CNTLN: variants seen among roughly 807,000 people sequenced by gnomAD.
The protein encoded by CNTLN is centlein, also known as centlein, centrosomal protein.
Under a neutral mutation model 180.0 loss-of-function variants are expected in CNTLN, and 212 were observed. The observed-to-expected ratio is 1.18, with a 90% CI of 1.05 to 1.32. The LOEUF is 1.32. Among genes scored for constraint, CNTLN ranks in the 40% most tolerant of loss-of-function variants. The pLI, the probability that CNTLN is intolerant of heterozygous loss-of-function variation, is 0.00. For missense variants in CNTLN, 2,095 were observed against 1,610.9 expected (o/e 1.30, Z -5.14); for synonymous variants, 722 against 563.1 (o/e 1.28, Z -3.99).
At position 17,265,664 on chromosome 9, in the gene CNTLN, G is replaced by A. The variant is rs553589235; in HGVS notation, c.850-8069G>A. ...TAGAATTCGGCTGTGAATCCATCTG[G>A]TCCTGGACTCTTTTTGGTTGGTAAG... On this transcript the variant is annotated intron_variant, in intron 5 of 25. Transcript: ENST00000380647. 2.0e-5 allele frequency among the ~76,000 whole-genome samples: 3 copies of A among 152,166 alleles called. No individual in the cohort carries two copies. The South Asian group carries it at 6.2e-4, about 32-fold the overall frequency.
At chr9:17,404,239 G>A (rs1013020573) in intron 15 of CNTLN, among the ~76,000 whole-genome samples, 2 of 151,666 alleles carry the variant, frequency 1.3e-5, no homozygotes, top group African/African-American at 2.4e-5. Flanking sequence ...TTGAAGTTAG[G>A]GTATATGCCC....
At chr9:17,404,739 T>A (rs1827244643) in intron 15 of CNTLN, among the ~76,000 whole-genome samples, 2 of 6,172 alleles carry the variant, frequency 3.2e-4, no homozygotes, top group South Asian at 6.3e-3. Context: ...CTGAAACAAA[T>A]TTTTTTTTTT....
At chr9:17,206,187 G>A (rs1032994758) in intron 2 of CNTLN, among the ~76,000 whole-genome samples, 2 of 152,104 alleles carry the variant, frequency 1.3e-5, no homozygotes, top group South Asian at 2.1e-4. Flanking sequence ...TACCAATGGG[G>A]GTGGGGTAAT....
intron 18 of CNTLN, among the ~76,000 whole-genome samples, chr9:17,456,866 A>G (rs1410769356): frequency 6.6e-6 from 1 of 152,174 alleles, no homozygotes; most frequent in Non-Finnish European, 1.5e-5. Context: ...CTTCATAAAA[A>G]CATTACTATT....
chr9:17,502,622 A>G lies in CNTLN; in HGVS notation c.4191A>G (p.Gly1397=). 7 of 1,358,236 alleles carry G rather than the reference A, an allele frequency of 5.2e-6. No homozygotes were observed. Among genetic ancestry groups the G allele is most frequent in the Non-Finnish European group, 7.1e-6 (7 of 985,762 alleles). The allele number at this position is 1,358,236 out of a possible 1,614,324, so 84.1% of individuals were successfully genotyped here. A position where few individuals can be genotyped will look rare whatever the true frequency, so the allele number is the denominator to read the frequency against. Residue 1397 remains glycine, a synonymous_variant, in exon 26 of 26, where the codon GGA becomes GGG. Coordinates refer to ENST00000380647, the MANE Select transcript of CNTLN (RefSeq NM_017738.4). ...ATGAAAAAAAGAAACTAGTTGAAGGATATTTCACAATTATGAAAGATATTA... is the reference window on the plus strand; with the variant it reads ...ATGAAAAAAAGAAACTAGTTGAAGGGTATTTCACAATTATGAAAGATATTA... ...KINEKKKLVE[G]YFTIMKDIR is the part of the protein sequence containing the mutation.
chr9:17,405,333 A>G (rs58474114), intron 15 of CNTLN, among the ~76,000 whole-genome samples: 44,741 of 151,492 alleles, frequency 0.3, 7,001 homozygotes, highest in South Asian at 0.42. Context: ...ACACAAAAAA[A>G]TACCACAGAC....
intron 2 of CNTLN, among the ~76,000 whole-genome samples, chr9:17,180,701 T>C (rs1479978213): frequency 6.6e-6 from 1 of 152,128 alleles, no homozygotes; most frequent in Non-Finnish European, 1.5e-5. Flanking sequence ...AAAACTTACT[T>C]TAGCTATACT....
chr9:17,513,437 T>C, the CNTLN span, among the ~76,000 whole-genome samples: 1 of 152,202 alleles, frequency 6.6e-6, no homozygotes, highest in Non-Finnish European at 1.5e-5. Context: ...GGCTCACGCA[T>C]GTAATCCCAG....
Position 17,503,486 on chromosome 9 carries a change from G to T in CNTLN, c.*834G>T, listed in dbSNP as rs910222609. On this transcript the variant is annotated 3_prime_UTR_variant, in exon 26 of 26. Coordinates refer to ENST00000380647, the MANE Select transcript of CNTLN (RefSeq NM_017738.4). ...GGTTCCTCTAATTCACCATACTGGTGCCTGCCTCCCACATTTGCCCTTGGT... is the reference window on the plus strand; with the variant it reads ...GGTTCCTCTAATTCACCATACTGGTTCCTGCCTCCCACATTTGCCCTTGGT... The T allele has an allele frequency of 2.6e-5, 4 of 152,066 alleles. No homozygotes were observed. The highest frequency in any genetic ancestry group is 9.7e-5 in the African/African-American group (4 of 41,380). The allele number at this position is 152,066 out of a possible 1,614,324, so 9.4% of individuals were successfully genotyped here.
rs1588084929 is a variant in CNTLN at position 17,479,922 on chromosome 9, A to G, written c.3856-4373A>G. ...CCAAAAGCTTTAAAAGATTTAAAAAATATGGTATCCTGGGACTAGCTTGTA... is the reference window on the plus strand; with the variant it reads ...CCAAAAGCTTTAAAAGATTTAAAAAGTATGGTATCCTGGGACTAGCTTGTA... On this transcript the variant is annotated intron_variant, in intron 23 of 25. Coordinates refer to ENST00000380647, the MANE Select transcript of CNTLN (RefSeq NM_017738.4). Among the ~76,000 whole-genome samples, 3 of 152,308 alleles carry G rather than the reference A, an allele frequency of 2.0e-5. No individual in the cohort carries two copies. In the East Asian group the frequency reaches 5.8e-4, roughly 29 times the overall value.
chr9:17,257,797 G>C (rs370157615), intron 5 of CNTLN, among the ~76,000 whole-genome samples: 7 of 146,260 alleles, frequency 4.8e-5, no homozygotes, highest in African/African-American at 1.9e-4. Context: ...GTCTGTTCAT[G>C]TCCTTTGCCC....
At chr9:17,373,458 A>G (rs1458426462) in intron 13 of CNTLN, among the ~76,000 whole-genome samples, 1 of 152,106 alleles carries the variant, frequency 6.6e-6, no homozygotes, top group Admixed American at 6.6e-5. Context: ...TAGAATATTG[A>G]TGAAAGAAAT....
chr9:17,250,391 C>T (rs1826066066), intron 5 of CNTLN, among the ~76,000 whole-genome samples: 1 of 151,900 alleles, frequency 6.6e-6, no homozygotes, highest in Non-Finnish European at 1.5e-5. Context: ...GAAGAACTAA[C>T]TTCTGCCATT....
At chr9:17,390,528 G>A (rs1826036521) in intron 14 of CNTLN, among the ~76,000 whole-genome samples, 1 of 152,046 alleles carries the variant, frequency 6.6e-6, no homozygotes, top group Non-Finnish European at 1.5e-5. Flanking sequence ...ACAGGCATGA[G>A]CCACTGCACC....
At chr9:17,284,254 T>C (rs182807020) in intron 6 of CNTLN, among the ~76,000 whole-genome samples, 2 of 152,296 alleles carry the variant, frequency 1.3e-5, no homozygotes, top group East Asian at 3.9e-4. Flanking sequence ...CAGGGTTTGG[T>C]ATCAGGATGA....
At chr9:17,233,799 A>G (rs1043353030) in intron 3 of CNTLN, among the ~76,000 whole-genome samples, 1 of 152,188 alleles carries the variant, frequency 6.6e-6, no homozygotes, top group African/African-American at 2.4e-5. Context: ...TAATATGTGT[A>G]ATATGATTTA....
At chr9:17,379,962 C>T (rs964604184) in intron 13 of CNTLN, among the ~76,000 whole-genome samples, 3 of 152,148 alleles carry the variant, frequency 2.0e-5, no homozygotes, top group Non-Finnish European at 4.4e-5. Flanking sequence ...TAGAATCCCA[C>T]AATACCTCTG....
intron 14 of CNTLN, among the ~76,000 whole-genome samples, chr9:17,388,775 A>T (rs552442958): frequency 6.6e-6 from 1 of 151,964 alleles, no homozygotes; most frequent in African/African-American, 2.4e-5. Context: ...TTTTAATAAG[A>T]TCATCCATGT....
intron 5 of CNTLN, among the ~76,000 whole-genome samples, chr9:17,252,043 G>C (rs1459725578): frequency 6.6e-6 from 1 of 151,750 alleles, no homozygotes; most frequent in African/African-American, 2.4e-5. Context: ...TTCCATCCAT[G>C]CTACTTCAAA....
Sources: gnomAD v4.1 joint callset for allele counts (sites outside exome capture counted in the v4.1 genomes callset) on GRCh38, gnomAD v4.1.1 for gene constraint, MANE v1.5 for transcripts, NCBI Gene and HGNC (gene_info 2026-07-23, HGNC 2026-07-21) for gene names.